The following BRPF1 variants were observed in gnomAD, a reference collection of about 807,000 sequenced individuals.
BRPF1 encodes peregrin.
Under a neutral mutation model 115.0 loss-of-function variants are expected in BRPF1, and 15 were observed. The ratio of observed to expected loss-of-function variants is 0.13; its 90% confidence interval spans 0.09 to 0.20. The LOEUF is 0.20. Ranked by LOEUF, BRPF1 falls within the 10% of genes least tolerant of loss-of-function variation. BRPF1 has a pLI of 1.00. For synonymous variants in BRPF1, 647 were observed against 619.8 expected (o/e 1.04, Z -0.65); for missense variants, 1,118 against 1,638.3 (o/e 0.68, Z 5.48).
At position 9,740,774 on chromosome 3, in the gene BRPF1, C is replaced by T; in HGVS notation, c.1560-5C>T. ...AAGTTTTACTCTTTGTTTCCTGCCTCCCAGGCTTAGTAAAATCACCAACCG... is the reference window on the plus strand; with the variant it reads ...AAGTTTTACTCTTTGTTTCCTGCCTTCCAGGCTTAGTAAAATCACCAACCG... On this transcript the variant is annotated splice_region_variant and splice_polypyrimidine_tract_variant and intron_variant, in intron 3 of 13. Transcript: ENST00000383829. The T allele has an allele frequency of 1.2e-6, 2 of 1,613,704 alleles. No homozygotes were observed. The highest frequency in any genetic ancestry group is 1.7e-6 in the Non-Finnish European group (2 of 1,179,614).
intron 1 of BRPF1, 150 bp from the exon 2 acceptor site, chr3:9,733,981 G>A (rs781097483): frequency 8.6e-5 from 115 of 1,332,812 alleles, no homozygotes; most frequent in Non-Finnish European, 1.1e-4. Flanking sequence ...GGCTATGGTG[G>A]AGGAGATGGC....
At chr3:9,746,676 C>T (rs907617271) in intron 13 of BRPF1, among the ~76,000 whole-genome samples, 1 of 152,076 alleles carries the variant, frequency 6.6e-6, no homozygotes, top group Non-Finnish European at 1.5e-5. Flanking sequence ...AACCAAAGGA[C>T]CATCAGAGAC....
At chr3:9,744,668 T>G (rs1202384099) in intron 9 of BRPF1, among the ~76,000 whole-genome samples, 160 bp downstream of exon 9, 1 of 152,192 alleles carries the variant, frequency 6.6e-6, no homozygotes, top group Non-Finnish European at 1.5e-5. Context: ...TTGGGAAAAC[T>G]GAGGCCCAGA....
chr3:9,732,526 T>C (rs1267445924), intron 1 of BRPF1: 1 of 152,098 alleles, frequency 6.6e-6, no homozygotes, highest in Non-Finnish European at 1.5e-5. Flanking sequence ...GGCTTTCTGG[T>C]CTAAGTTCTC....
chr3:9,741,230 T>C, intron 4 of BRPF1, 78 bp from the exon 5 acceptor site: 1 of 1,498,496 alleles, frequency 6.7e-7, no homozygotes. Flanking sequence ...TTGACCTGAG[T>C]TTCCTGGGCT....
At position 9,743,702 on chromosome 3, in the gene BRPF1, A is replaced by T; in HGVS notation, c.2436A>T (p.Ser812=). Residue 812 remains serine (S), a synonymous_variant, in exon 8 of 14, where the codon TCA becomes TCT. Coordinates refer to ENST00000383829, the MANE Select transcript of BRPF1 (RefSeq NM_001003694.2). This position sits in a 1 kb window ranked among gnomAD's most constrained non-coding sequence, Gnocchi z 6.1. The part of the protein sequence containing the change: ...VNASKQSVGR[S]RRAKMIKKEM... ...CCAGCAAGCAGAGTGTGGGCCGCTC[A>T]CGGCGTGCAAAGATGATCAAGAAAG... The T allele has an allele frequency of 6.2e-7, 1 of 1,614,170 alleles. No individual in the cohort carries two copies.
chr3:9,746,912 A>AT (rs2077136353), intron 13 of BRPF1, among the ~76,000 whole-genome samples: 1 of 152,150 alleles, frequency 6.6e-6, no homozygotes, highest in Non-Finnish European at 1.5e-5. Context: ...CAGGGTAGCT[A>AT]TTTCTGGTGA....
At chr3:9,736,186 T>C (rs1233190203) in intron 2 of BRPF1, among the ~76,000 whole-genome samples, 1 of 151,996 alleles carries the variant, frequency 6.6e-6, no homozygotes, top group Non-Finnish European at 1.5e-5. Flanking sequence ...TTTTGAGTTT[T>C]TAGTAGAGAT....
chr3:9,740,104 T>A, intron 3 of BRPF1, 146 bp downstream of exon 3: 1 of 1,375,706 alleles, frequency 7.3e-7, no homozygotes, highest in Non-Finnish European at 9.5e-7. Context: ...TCAAAACAGA[T>A]AGTTGTCTTT....
At chr3:9,738,346 A>G (rs1257477003) in intron 2 of BRPF1, among the ~76,000 whole-genome samples, 1 of 152,244 alleles carries the variant, frequency 6.6e-6, no homozygotes, top group African/African-American at 2.4e-5. Context: ...GTAAGAATAA[A>G]TGTAATAGTT....
Position 9,734,388 on chromosome 3 carries a change from A to T in BRPF1, c.248A>T (p.Gln83Leu). ...KQSPSPSEVS[Q>L]SPGREVMSYA... ...TCACCCAGCCCCTCAGAGGTCTCAC[A>T]GTCACCAGGCCGTGAGGTGATGAGC... The change falls in exon 2 of 14, where the codon CAG (glutamine) becomes CTG (leucine). Residue 83 changes from glutamine to leucine, a missense_variant. By Grantham distance (113) the Gln-to-Leu change is moderately radical. Coordinates refer to ENST00000383829, the MANE Select transcript of BRPF1 (RefSeq NM_001003694.2). The surrounding 1 kb of genome is among the most constrained non-coding windows in gnomAD (Gnocchi z 5.7). 1 of 1,614,098 alleles carries T rather than the reference A, an allele frequency of 6.2e-7. No individual in the cohort carries two copies. Among genetic ancestry groups the T allele is most frequent in the East Asian group, 2.2e-5 (1 of 44,856 alleles).
At chr3:9,735,331 A>G (rs1299683177) in intron 2 of BRPF1, among the ~76,000 whole-genome samples, 12 of 152,206 alleles carry the variant, frequency 7.9e-5, no homozygotes, top group African/African-American at 2.9e-4. Context: ...CTGAAATCAC[A>G]TGCCAGTAGA....
chr3:9,743,912 C>T lies in BRPF1; in HGVS notation c.2635+11C>T, dbSNP rs1465960937. The stretch of plus-strand genomic sequence containing the variant: ...AGGAGACAAGCAAAGGTCTGAATCC[C>T]ATGGCAAGGTGGACCCCAAAGCAAG... On this transcript the variant is annotated intron_variant, in intron 8 of 13. Coordinates refer to ENST00000383829, the MANE Select transcript of BRPF1 (RefSeq NM_001003694.2). This position sits in a 1 kb window ranked among gnomAD's most constrained non-coding sequence, Gnocchi z 6.1. 1 of 1,551,624 alleles carries T rather than the reference C, an allele frequency of 6.4e-7. No homozygotes were observed. The highest frequency in any genetic ancestry group is 8.7e-7 in the Non-Finnish European group (1 of 1,144,776).
chr3:9,743,611 A>G lies in BRPF1; in HGVS notation c.2345A>G (p.Asn782Ser). 1.2e-6 allele frequency: 2 copies of G among 1,613,164 alleles called. No homozygotes were observed. The highest frequency in any genetic ancestry group is 1.7e-6 in the Non-Finnish European group (2 of 1,179,846). ...GAAGAGCGGCTGGTCTTGCTGGAGA[A>G]CCAGAAGCACCTGCCAGTGGAAGAA... ...AEEERLVLLENQKHLPVEEQL... is the reference protein window; with the variant it reads ...AEEERLVLLESQKHLPVEEQL... Residue 782 changes from asparagine to serine, a missense_variant, in exon 8 of 14, where the codon AAC becomes AGC. Coordinates refer to ENST00000383829, the MANE Select transcript of BRPF1 (RefSeq NM_001003694.2). The surrounding 1 kb of genome is among the most constrained non-coding windows in gnomAD (Gnocchi z 6.1).
At chr3:9,741,224 C>T in intron 4 of BRPF1, 84 bp from the exon 5 acceptor site, 1 of 1,486,928 alleles carries the variant, frequency 6.7e-7, no homozygotes, top group Non-Finnish European at 9.0e-7. Flanking sequence ...TTTGGCTTGA[C>T]CTGAGTTTCC....
Position 9,745,161 on chromosome 3 carries a change from A to G in BRPF1, c.3068+6A>G. ...GCTGCTTCAGACCGGACCAGGTACCAGCCCTCCAGATCGAGGCCAACCTCA... is the reference window on the plus strand; with the variant it reads ...GCTGCTTCAGACCGGACCAGGTACCGGCCCTCCAGATCGAGGCCAACCTCA... On this transcript the variant is annotated splice_donor_region_variant and intron_variant, in intron 10 of 13. Transcript: ENST00000383829. The surrounding 1 kb of genome is among the most constrained non-coding windows in gnomAD (Gnocchi z 5.1). 2 of 1,613,268 alleles carry G rather than the reference A, an allele frequency of 1.2e-6. No homozygotes were observed. Among genetic ancestry groups the G allele is most frequent in the East Asian group, 2.2e-5 (1 of 44,878 alleles).
rs761189249 is a variant in BRPF1 at position 9,739,320 on chromosome 3, C to T, written c.921C>T (p.Val307=). The T allele has an allele frequency of 5.0e-6, 8 of 1,614,188 alleles. No homozygotes were observed. The highest frequency in any genetic ancestry group is 6.8e-6 in the Non-Finnish European group (8 of 1,180,020). The part of the protein sequence containing the change: ...NLAVHQECYG[V]PYIPEGQWLC... ...CCGTGCACCAGGAGTGCTACGGTGT[C>T]CCCTATATCCCTGAGGGCCAGTGGC... The change falls in exon 3 of 14, where the codon GTC becomes GTT. Residue 307 remains valine (V), a synonymous_variant. Coordinates refer to ENST00000383829, the MANE Select transcript of BRPF1 (RefSeq NM_001003694.2).
intron 1 of BRPF1, among the ~76,000 whole-genome samples, chr3:9,733,625 A>C (rs766219821): frequency 2.6e-5 from 4 of 152,236 alleles, no homozygotes; most frequent in African/African-American, 9.6e-5. Context: ...CCCACCAATC[A>C]GAAAGTATGG....
In BRPF1 at chr3:9,745,462, C is replaced by G. The variant is rs575784798; in HGVS notation, c.3069-111C>G. On this transcript the variant is annotated intron_variant, in intron 10 of 13. Transcript: ENST00000383829. This position sits in a 1 kb window ranked among gnomAD's most constrained non-coding sequence, Gnocchi z 5.1. ...GAATTTGAAATTCCTCATATAGCCT[C>G]TGCTTTCCAAAAGTCTCAGACCCTG... The G allele has an allele frequency of 3.9e-6, 5 of 1,294,660 alleles. No individual in the cohort carries two copies. In the Admixed American group the frequency reaches 7.7e-5, roughly 20 times the overall value. The allele number at this position is 1,294,660 out of a possible 1,614,324, so 80.2% of individuals were successfully genotyped here.
Sources: gnomAD v4.1 joint callset for allele counts (sites outside exome capture counted in the v4.1 genomes callset) on GRCh38, gnomAD v4.1.1 for gene constraint, Gnocchi (gnomAD v3.1) non-coding constraint, MANE v1.5 for transcripts, NCBI Gene and HGNC (gene_info 2026-07-23, HGNC 2026-07-21) for gene names.